Variants in UGT2A2 observed in about 807,000 individuals in gnomAD.
UGT2A2 encodes the protein UDP glucuronosyltransferase family 2 member A2, also known as UDP-glucuronosyltransferase 2A2.
In UGT2A2, 60 loss-of-function variants were observed where a neutral mutation model predicts 50.7. The observed-to-expected ratio is 1.18, with a 90% CI of 0.96 to 1.47. The LOEUF is 1.47. Ranked by LOEUF, UGT2A2 falls within the 40% of genes most tolerant of loss-of-function variation. UGT2A2 has a pLI of 0.00. For synonymous variants in UGT2A2, 242 were observed against 214.6 expected, an observed-to-expected ratio of 1.13 and a Z score of -1.11; for missense variants, 762 against 634.0, an observed-to-expected ratio of 1.20 and a Z score of -2.17.
intron 1 of UGT2A2, among the ~76,000 whole-genome samples, chr4:69,623,183 G>C (rs1720849324): frequency 6.6e-6 from 1 of 151,712 alleles, no homozygotes; most frequent in African/African-American, 2.4e-5. Flanking sequence ...TGTTCCTCAT[G>C]ACAATTCATC....
At chr4:69,601,389 C>T (rs550644704) in intron 1 of UGT2A2, among the ~76,000 whole-genome samples, 1 of 152,226 alleles carries the variant, frequency 6.6e-6, no homozygotes, top group Admixed American at 6.5e-5. Flanking sequence ...TTCCCCGCCC[C>T]CCGGAGTACT....
chr4:69,595,311 A>T (rs1434953269), intron 3 of UGT2A2, 62 bp from the exon 4 acceptor site: 4 of 1,572,010 alleles, frequency 2.5e-6, no homozygotes, highest in Non-Finnish European at 3.5e-6. Flanking sequence ...TTAAGTTGGG[A>T]GAATTATTTA....
chr4:69,592,717 A>C (rs1473143669), intron 5 of UGT2A2, among the ~76,000 whole-genome samples: 1 of 152,122 alleles, frequency 6.6e-6, no homozygotes, highest in African/African-American at 2.4e-5. Context: ...AGAGGAAAAC[A>C]TACCAAAATA....
intron 1 of UGT2A2, among the ~76,000 whole-genome samples, chr4:69,601,176 G>A (rs772133059): frequency 6.6e-6 from 1 of 152,118 alleles, no homozygotes; most frequent in Non-Finnish European, 1.5e-5. Flanking sequence ...ATTCTTCTGT[G>A]CAGCAGAGGC....
rs75950034 is a variant in UGT2A2, at chr4:69,635,443, C to T, written c.742+3456G>A. Among the ~76,000 whole-genome samples the T allele has an allele frequency of 2.4e-3, 358 of 152,314 alleles. 5 individuals are homozygous for T. The highest frequency in any genetic ancestry group is 0.022 in the East Asian group (113 of 5,184). On this transcript the variant is annotated intron_variant, in intron 1 of 5. Transcript: ENST00000604629. ...TTCACTACAGTGTTCAAGGGCTTAA[C>T]CTTTCTATTGCTGCAGCAAAGGCTA... is the stretch of plus-strand genomic sequence containing the variant.
chr4:69,627,880 TA>T (rs973918615), intron 1 of UGT2A2, among the ~76,000 whole-genome samples: 4 of 151,982 alleles, frequency 2.6e-5, no homozygotes, highest in African/African-American at 4.8e-5. Flanking sequence ...AGAATGGAGA[TA>T]AAAAATACTA....
At chr4:69,634,438 A>C (rs1289858972) in intron 1 of UGT2A2, among the ~76,000 whole-genome samples, 1 of 152,072 alleles carries the variant, frequency 6.6e-6, no homozygotes, top group Non-Finnish European at 1.5e-5. Context: ...AACGGAGAGA[A>C]GCAATAAATA....
intron 1 of UGT2A2, among the ~76,000 whole-genome samples, chr4:69,616,852 A>C (rs1443786201): frequency 2.1e-5 from 1 of 46,732 alleles, no homozygotes; most frequent in Non-Finnish European, 4.6e-5. Flanking sequence ...TTTTTTTTTG[A>C]ATAGTGGTTT....
At chr4:69,593,537 T>G (rs1010004771) in intron 5 of UGT2A2, among the ~76,000 whole-genome samples, 1 of 150,802 alleles carries the variant, frequency 6.6e-6, no homozygotes, top group Non-Finnish European at 1.5e-5. Flanking sequence ...ACACACACTA[T>G]CTACTAAGCT....
rs771540067 is a variant in UGT2A2, at chr4:69,639,047, T to C, written c.594A>G (p.Pro198=). The change falls in exon 1 of 6, where the codon CCA becomes CCG. Residue 198 remains proline, a synonymous_variant. Transcript: ENST00000604629. The part of the protein sequence containing the change: ...VERHCGKIPA[P]VSYVPAALSE... ...ATAAGGCTGCCGGTACATAGGAGAC[T>C]GGTGCTGGGATTTTCCCACAGTGTC... is the stretch of plus-strand genomic sequence containing the variant. The C allele has an allele frequency of 1.9e-6, 3 of 1,613,452 alleles. No individual in the cohort carries two copies. The highest frequency in any genetic ancestry group is 2.2e-5 in the South Asian group (2 of 91,006).
At chr4:69,596,473 T>C (rs1370826112) in intron 2 of UGT2A2, 92 bp from the exon 3 acceptor site, 4 of 1,360,724 alleles carry the variant, frequency 2.9e-6, no homozygotes, top group Non-Finnish European at 9.6e-7. Flanking sequence ...AATTAAGATA[T>C]ATGTCAGAGA....
At chr4:69,610,817 G>C (rs4148294) in intron 1 of UGT2A2, among the ~76,000 whole-genome samples, 35,489 of 152,076 alleles carry the variant, frequency 0.23, 4,350 homozygotes, top group Middle Eastern at 0.31. Context: ...CATCAGAACT[G>C]TAAGAAAATA....
At position 69,589,325 on chromosome 4, in the gene UGT2A2, G is replaced by C; in HGVS notation, c.*47C>G. The C allele has an allele frequency of 6.6e-7, 1 of 1,523,830 alleles. No individual in the cohort carries two copies. The highest frequency in any genetic ancestry group is 2.3e-5 in the East Asian group (1 of 42,816). 94.4% of individuals were successfully genotyped at this position (1,523,830 alleles called of 1,614,324 possible). A position where few individuals can be genotyped will look rare whatever the true frequency, so the allele number is the denominator to read the frequency against. ...GGAATTAATAGGACTACACTACTCA[G>C]GATTTTGCCAAACTTAAAAATATAT... On this transcript the variant is annotated 3_prime_UTR_variant, in exon 6 of 6. Transcript: ENST00000604629.
At chr4:69,592,339 C>T (rs1718639790) in intron 5 of UGT2A2, among the ~76,000 whole-genome samples, 1 of 151,876 alleles carries the variant, frequency 6.6e-6, no homozygotes, top group South Asian at 2.1e-4. Context: ...GAGCAAACAC[C>T]AAGACCGAGA....
At chr4:69,622,422 T>C (rs927960345) in intron 1 of UGT2A2, among the ~76,000 whole-genome samples, 1 of 151,704 alleles carries the variant, frequency 6.6e-6, no homozygotes, top group Non-Finnish European at 1.5e-5. Flanking sequence ...TCTGAAACAA[T>C]TCTTAACTAC....
At chr4:69,607,969 G>C (rs1455419072) in intron 1 of UGT2A2, among the ~76,000 whole-genome samples, 2 of 152,320 alleles carry the variant, frequency 1.3e-5, no homozygotes, top group Admixed American at 1.3e-4. Flanking sequence ...TACACTGTTG[G>C]TGGGACTGTA....
intron 1 of UGT2A2, chr4:69,599,855 A>G (rs1314106381): frequency 6.5e-6 from 1 of 153,956 alleles, no homozygotes; most frequent in Non-Finnish European, 1.4e-5. Context: ...ATCAACCAAA[A>G]TTAAACTATA....
chr4:69,611,042 A>G (rs1436708598), intron 1 of UGT2A2, among the ~76,000 whole-genome samples: 3 of 152,208 alleles, frequency 2.0e-5, no homozygotes, highest in Non-Finnish European at 4.4e-5. Context: ...TAAAAATTAG[A>G]AAGCAAAACC....
At chr4:69,626,674 A>C (rs1325725435) in intron 1 of UGT2A2, among the ~76,000 whole-genome samples, 1 of 151,816 alleles carries the variant, frequency 6.6e-6, no homozygotes, top group African/African-American at 2.4e-5. Context: ...GTTACTACTA[A>C]AGAAAGCTGG....
Sources: allele counts gnomAD v4.1 joint callset (sites outside exome capture counted in the v4.1 genomes callset), GRCh38; gene constraint gnomAD v4.1.1; transcripts MANE v1.5; gene names NCBI Gene and HGNC (gene_info 2026-07-23, HGNC 2026-07-21).